ZNF283: variants seen among roughly 807,000 people sequenced by gnomAD.
The protein encoded by ZNF283 is zinc finger protein 283.
Under a neutral mutation model 9.2 loss-of-function variants are expected in ZNF283, and 10 were observed. The observed-to-expected ratio is 1.09, with a 90% CI of 0.67 to 1.85. The LOEUF (loss-of-function observed/expected upper bound fraction) is 1.85, where lower values mean the gene tolerates loss of function less well. Among genes scored for constraint, ZNF283 ranks in the 40% most tolerant of loss-of-function variants. ZNF283 has a pLI of 0.00. For missense variants in ZNF283, 631 were observed against 760.1 expected (o/e 0.83, Z 2.00); for synonymous variants, 234 against 244.1 (o/e 0.96, Z 0.38).
chr19:43,836,906 G>T, intron 5 of ZNF283, 147 bp from the exon 6 acceptor site: 1 of 814,044 alleles, frequency 1.2e-6, no homozygotes, highest in Admixed American at 3.0e-5. Flanking sequence ...AGATTTTCTT[G>T]CTTTTTCCTA....
Position 43,848,227 on chromosome 19 carries a change from C to A in ZNF283, c.1626C>A (p.Pro542=), listed in dbSNP as rs1221155764. 10 of 1,610,446 alleles carry A rather than the reference C, an allele frequency of 6.2e-6. No homozygotes were observed. Among genetic ancestry groups the A allele is most frequent in the Non-Finnish European group, 7.6e-6 (9 of 1,178,808 alleles). The change falls in exon 7 of 7, where the codon CCC becomes CCA. Residue 542 remains proline, a synonymous_variant. Coordinates refer to ENST00000618787, the MANE Select transcript of ZNF283 (RefSeq NM_181845.2). ...QHERIHTGEK[P]YECKECGKAF... is the part of the protein sequence containing the mutation. ...AAAGAATCCATACAGGGGAGAAACCCTATGAATGTAAAGAATGTGGGAAGG... is the reference window on the plus strand; with the variant it reads ...AAAGAATCCATACAGGGGAGAAACCATATGAATGTAAAGAATGTGGGAAGG...
In ZNF283 at chr19:43,848,467, T is replaced by G. The variant is rs572670970; in HGVS notation, c.1866T>G (p.Thr622=). Reference sequence around the variant, plus strand: ...TTAGTGTTCATCAGAGATTTCATACTGGTGAGAAGCTTTATCAACGTAAGG... The same window carrying G: ...TTAGTGTTCATCAGAGATTTCATACGGGTGAGAAGCTTTATCAACGTAAGG... ...YQLSVHQRFH[T]GEKLYQRKEF... Residue 622 remains threonine, a synonymous_variant, in exon 7 of 7, where the codon ACT becomes ACG. Transcript: ENST00000618787. 1 of 1,613,808 alleles carries G rather than the reference T, an allele frequency of 6.2e-7. No homozygotes were observed. The highest frequency in any genetic ancestry group is 1.1e-5 in the South Asian group (1 of 91,066).
Position 43,827,432 on chromosome 19 carries a change from T to C in ZNF283, c.-157T>C, listed in dbSNP as rs976059375. 1 of 152,254 alleles carries C rather than the reference T, an allele frequency of 6.6e-6. No homozygotes were observed. Among genetic ancestry groups the C allele is most frequent in the African/African-American group, 2.4e-5 (1 of 41,420 alleles). The allele number at this position is 152,254 out of a possible 1,614,324, so 9.4% of individuals were successfully genotyped here. A position where few individuals can be genotyped will look rare whatever the true frequency, so the allele number is the denominator to read the frequency against. On this transcript the variant is annotated 5_prime_UTR_variant, in exon 1 of 7. Coordinates refer to ENST00000618787, the MANE Select transcript of ZNF283 (RefSeq NM_181845.2). ...CCTTTTCCGGTGTCCTTAAGGTTCTTGGACTCTGCATGGTGAGTTGGTCGT... is the reference window on the plus strand; with the variant it reads ...CCTTTTCCGGTGTCCTTAAGGTTCTCGGACTCTGCATGGTGAGTTGGTCGT...
chr19:43,831,978 G>GTT (rs61655320), intron 3 of ZNF283, among the ~76,000 whole-genome samples: 1 of 149,066 alleles, frequency 6.7e-6, no homozygotes, highest in Non-Finnish European at 1.5e-5. Flanking sequence ...CTATGGGTCT[G>GTT]TTTTTTTTTT....
chr19:43,829,083 T>C (rs924127810), intron 2 of ZNF283, among the ~76,000 whole-genome samples: 1 of 152,118 alleles, frequency 6.6e-6, no homozygotes, highest in African/African-American at 2.4e-5. Flanking sequence ...TACTATGTTG[T>C]AGTTAAAAAT....
intron 6 of ZNF283, chr19:43,841,619 C>CACAGTGAA (rs1301163415): frequency 6.6e-6 from 1 of 151,884 alleles, no homozygotes; most frequent in African/African-American, 2.4e-5. Context: ...TTTTAGTAGA[C>CACAGTGAA]ACAAGGTTTC....
chr19:43,846,855 T>G, intron 6 of ZNF283, 84 bp from the exon 7 acceptor site: 2 of 1,036,008 alleles, frequency 1.9e-6, no homozygotes, highest in Non-Finnish European at 1.3e-6. Flanking sequence ...AGTCTCCTAA[T>G]TTGTCTTTTA....
intron 2 of ZNF283, among the ~76,000 whole-genome samples, chr19:43,829,785 A>C (rs1970621506): frequency 6.6e-6 from 1 of 152,156 alleles, no homozygotes; most frequent in African/African-American, 2.4e-5. Context: ...GCACTTTGGG[A>C]GTCCGAGGCG....
In ZNF283 at chr19:43,848,513, T is replaced by C. The variant is rs2356437; in HGVS notation, c.1912T>C (p.Cys638Arg). Residue 638 changes from cysteine (C) to arginine (R), a missense_variant, in exon 7 of 7, where the codon TGT becomes CGT. Cys to Arg is a radical substitution (Grantham distance 180). Transcript: ENST00000618787. ...TAAGGAATTCGGGAAGACCTTTACT[T>C]GTGGCTCAAAACTTGTTCATGAGAG... ...QRKEFGKTFTCGSKLVHERTH... is the reference protein window; with the variant it reads ...QRKEFGKTFTRGSKLVHERTH... The C allele has an allele frequency of 0.75, 1,205,448 of 1,610,236 alleles. 458,094 individuals are homozygous for C. The highest frequency in any genetic ancestry group is 0.84 in the African/African-American group (62,544 of 74,846).
At position 43,850,047 on chromosome 19, in the gene ZNF283, A is replaced by G. The variant is rs1971562168; in HGVS notation, c.*1406A>G. ...TTGAGGGGATTTTAATTCAGAGTTT[A>G]TCCCTTAAGCTGAGCTAAAAAAATG... On this transcript the variant is annotated 3_prime_UTR_variant, in exon 7 of 7. Coordinates refer to ENST00000618787, the MANE Select transcript of ZNF283 (RefSeq NM_181845.2). The G allele has an allele frequency of 6.6e-6, 1 of 152,168 alleles. No individual in the cohort carries two copies. The highest frequency in any genetic ancestry group is 1.5e-5 in the Non-Finnish European group (1 of 68,014). 9.4% of individuals were successfully genotyped at this position (152,168 alleles called of 1,614,324 possible). A position where few individuals can be genotyped will look rare whatever the true frequency, so the allele number is the denominator to read the frequency against.
At chr19:43,842,454 T>C (rs1971249744) in intron 6 of ZNF283, among the ~76,000 whole-genome samples, 1 of 144,654 alleles carries the variant, frequency 6.9e-6, no homozygotes, top group Non-Finnish European at 1.5e-5. Context: ...GACTTGGGGA[T>C]TTTATTATCT....
intron 6 of ZNF283, chr19:43,837,459 T>C: frequency 2.5e-6 from 1 of 403,192 alleles, no homozygotes; most frequent in Non-Finnish European, 4.4e-6. Context: ...ATTTATTTCA[T>C]AACTATGGCA....
chr19:43,844,060 A>AT (rs1199475108), intron 6 of ZNF283, among the ~76,000 whole-genome samples: 2 of 152,204 alleles, frequency 1.3e-5, no homozygotes, highest in African/African-American at 2.4e-5. Flanking sequence ...CCATCCATTT[A>AT]AAAGATTTGA....
At chr19:43,833,266 T>C (rs1970797760) in intron 3 of ZNF283, among the ~76,000 whole-genome samples, 2 of 152,006 alleles carry the variant, frequency 1.3e-5, no homozygotes, top group African/African-American at 4.8e-5. Context: ...ATTATGTTAG[T>C]TACAAACCGG....
chr19:43,833,274 C>T (rs529883048), intron 3 of ZNF283, among the ~76,000 whole-genome samples: 9 of 151,954 alleles, frequency 5.9e-5, no homozygotes, highest in Admixed American at 2.6e-4. Context: ...AGTTACAAAC[C>T]GGCCTGCCTA....
chr19:43,848,572 C>T lies in ZNF283; in HGVS notation c.1971C>T (p.Asn657=), dbSNP rs1363641410. ...GTAATGATAAACCCTACAAATATAA[C>T]GAATGTGGGGAAGCCTTTCTGTGGA... is the stretch of plus-strand genomic sequence containing the variant. The part of the protein sequence containing the change: ...THSNDKPYKY[N]ECGEAFLWTT... Residue 657 remains asparagine, a synonymous_variant, in exon 7 of 7, where the codon AAC becomes AAT. Coordinates refer to ENST00000618787, the MANE Select transcript of ZNF283 (RefSeq NM_181845.2). 21 of 1,594,156 alleles carry T rather than the reference C, an allele frequency of 1.3e-5. No homozygotes were observed. The highest frequency in any genetic ancestry group is 1.5e-5 in the Non-Finnish European group (17 of 1,166,612).
chr19:43,847,901 A>G lies in ZNF283; in HGVS notation c.1300A>G (p.Lys434Glu). ...IHTGEKPYEC[K>E]ECGKAFSRGY... Reference sequence around the variant, plus strand: ...TACTGGTGAGAAACCTTATGAATGTAAAGAATGTGGAAAGGCCTTTAGTCG... The same window carrying G: ...TACTGGTGAGAAACCTTATGAATGTGAAGAATGTGGAAAGGCCTTTAGTCG... Residue 434 changes from lysine to glutamate, a missense_variant, in exon 7 of 7, where the codon AAA becomes GAA. Transcript: ENST00000618787. 6.2e-7 allele frequency: 1 copy of G among 1,613,636 alleles called. No individual in the cohort carries two copies. The highest frequency in any genetic ancestry group is 8.5e-7 in the Non-Finnish European group (1 of 1,179,890).
rs925729687 is a variant in ZNF283 at position 43,849,252 on chromosome 19, G to A, written c.*611G>A. 1 of 152,166 alleles carries A rather than the reference G, an allele frequency of 6.6e-6. No homozygotes were observed. The highest frequency in any genetic ancestry group is 1.5e-5 in the Non-Finnish European group (1 of 68,020). 9.4% of individuals were successfully genotyped at this position (152,166 alleles called of 1,614,324 possible). A position where few individuals can be genotyped will look rare whatever the true frequency, so the allele number is the denominator to read the frequency against. On this transcript the variant is annotated 3_prime_UTR_variant, in exon 7 of 7. Coordinates refer to ENST00000618787, the MANE Select transcript of ZNF283 (RefSeq NM_181845.2). ...CAATTGTGAGATAAACGTGGAAAGTGAGTAAATATTTGGAACTTTTATAGC... is the reference window on the plus strand; with the variant it reads ...CAATTGTGAGATAAACGTGGAAAGTAAGTAAATATTTGGAACTTTTATAGC...
At chr19:43,842,539 T>C (rs1458078060) in intron 6 of ZNF283, among the ~76,000 whole-genome samples, 1 of 152,210 alleles carries the variant, frequency 6.6e-6, no homozygotes, top group East Asian at 1.9e-4. Flanking sequence ...GAGTTGATTT[T>C]TGAAGGCAGG....
Sources: allele counts gnomAD v4.1 joint callset (sites outside exome capture counted in the v4.1 genomes callset), GRCh38; gene constraint gnomAD v4.1.1; transcripts MANE v1.5; gene names NCBI Gene and HGNC (gene_info 2026-07-23, HGNC 2026-07-21).